DICER1: variants seen among roughly 807,000 people sequenced by gnomAD.
DICER1 encodes the protein dicer 1, ribonuclease III.
A neutral mutation model predicts 194.1 loss-of-function variants in DICER1; 43 were observed. The observed-to-expected ratio is 0.22, with a 90% CI of 0.17 to 0.29. The LOEUF (loss-of-function observed/expected upper bound fraction) is 0.29, where lower values mean the gene tolerates loss of function less well. DICER1 is among the 10% of genes least tolerant of loss of function. The pLI, the probability that DICER1 is intolerant of heterozygous loss-of-function variation, is 1.00. For synonymous variants in DICER1, 832 were observed against 820.5 expected (o/e 1.01, Z -0.24); for missense variants, 1,608 against 2,317.0 (o/e 0.69, Z 6.28).
rs1889398364 is a variant in DICER1, at chr14:95,087,144, G to T, written c.*3354C>A. On this transcript the variant is annotated 3_prime_UTR_variant, in exon 27 of 27. Coordinates refer to ENST00000343455, the MANE Select transcript of DICER1 (RefSeq NM_177438.3). ...CACCTGCCTCCAGGGAGCGACTGAA[G>T]AAGCCGACTGCCGGGGGAACACCTG... 1 of 233,294 alleles carries T rather than the reference G, an allele frequency of 4.3e-6. No individual in the cohort carries two copies. The highest frequency in any genetic ancestry group is 2.2e-5 in the African/African-American group (1 of 45,464). The allele number at this position is 233,294 out of a possible 1,614,324, so 14.5% of individuals were successfully genotyped here. A position where few individuals can be genotyped will look rare whatever the true frequency, so the allele number is the denominator to read the frequency against.
intron 17 of DICER1, 29 bp from the exon 18 acceptor site, chr14:95,106,252 G>A (rs1337129160): frequency 6.5e-7 from 1 of 1,548,666 alleles, no homozygotes; most frequent in East Asian, 2.2e-5. Flanking sequence ...AAAACAATCA[G>A]TTGCTTTTTG....
chr14:95,105,314 A>G lies in DICER1; in HGVS notation c.3094-68T>C. On this transcript the variant is annotated intron_variant, in intron 19 of 26. Coordinates refer to ENST00000343455, the MANE Select transcript of DICER1 (RefSeq NM_177438.3). This position sits in a 1 kb window ranked among gnomAD's most constrained non-coding sequence, Gnocchi z 4.9. ...CACACAAAAGAAAAAAAAAAAGACC[A>G]ATTTCACTAATGGATAAAGAAAATC... The G allele has an allele frequency of 7.5e-7, 1 of 1,324,536 alleles. No homozygotes were observed. Among genetic ancestry groups the G allele is most frequent in the Non-Finnish European group, 1.1e-6 (1 of 923,532 alleles). The allele number at this position is 1,324,536 out of a possible 1,614,324, so 82.0% of individuals were successfully genotyped here.
chr14:95,091,466 T>C, intron 24 of DICER1, 101 bp from the exon 25 acceptor site: 1 of 1,050,732 alleles, frequency 9.5e-7, no homozygotes, highest in Non-Finnish European at 1.5e-6. Context: ...TTGTTACTTC[T>C]TTAGTAAGGG....
rs1893258609 is a variant in DICER1 at position 95,124,701 on chromosome 14, C to A, written c.904-33G>T. On this transcript the variant is annotated intron_variant, in intron 7 of 26. Transcript: ENST00000343455. The surrounding 1 kb of genome is among the most constrained non-coding windows in gnomAD (Gnocchi z 4.5). ...AAAAAGAAAAGAAAAAACCTAATGCCAAATAATAATAATGTAGCATTTTCA... is the reference window on the plus strand; with the variant it reads ...AAAAAGAAAAGAAAAAACCTAATGCAAAATAATAATAATGTAGCATTTTCA... The A allele has an allele frequency of 2.0e-6, 3 of 1,499,074 alleles. No homozygotes were observed. The highest frequency in any genetic ancestry group is 1.4e-5 in the African/African-American group (1 of 72,426). The allele number at this position is 1,499,074 out of a possible 1,614,324, so 92.9% of individuals were successfully genotyped here.
intron 6 of DICER1, among the ~76,000 whole-genome samples, chr14:95,128,207 A>G (rs1200962593): frequency 6.6e-6 from 1 of 152,230 alleles, no homozygotes; most frequent in Non-Finnish European, 1.5e-5. Context: ...CATATATACT[A>G]TAGTTCTTTT....
In DICER1 at chr14:95,120,022, G is replaced by C. The variant is rs1397181563; in HGVS notation, c.1377-2268C>G. ...CAAAAATAGGAAATATGTATGGTAG[G>C]TTCAGAAAACTAATAGATGTATTAC... On this transcript the variant is annotated intron_variant, in intron 8 of 26. Transcript: ENST00000343455. 2.0e-5 allele frequency among the ~76,000 whole-genome samples: 3 copies of C among 152,248 alleles called. No individual in the cohort carries two copies. In the East Asian group the frequency reaches 5.8e-4, roughly 29 times the overall value.
At chr14:95,150,576 C>CA (rs1387086856) in intron 1 of DICER1, among the ~76,000 whole-genome samples, 1 of 152,188 alleles carries the variant, frequency 6.6e-6, no homozygotes, top group African/African-American at 2.4e-5. Flanking sequence ...GAAGGAATGA[C>CA]AGAAAAGTCA....
At chr14:95,108,298 A>AT in intron 15 of DICER1, 26 bp downstream of exon 15, 1 of 1,607,808 alleles carries the variant, frequency 6.2e-7, no homozygotes, top group Middle Eastern at 1.7e-4. Flanking sequence ...CGTTTTTGAC[A>AT]TAAGTACTCA....
intron 9 of DICER1, among the ~76,000 whole-genome samples, chr14:95,116,991 T>G (rs1367087552): frequency 6.6e-6 from 1 of 152,160 alleles, no homozygotes; most frequent in African/African-American, 2.4e-5. Flanking sequence ...CTCTCCAAAT[T>G]TGGAAATTAT....
In DICER1 at chr14:95,089,171, T is replaced by A. The variant is rs1374699843; in HGVS notation, c.*1327A>T. The A allele has an allele frequency of 4.3e-6, 1 of 231,306 alleles. No individual in the cohort carries two copies. The highest frequency in any genetic ancestry group is 8.5e-6 in the Non-Finnish European group (1 of 117,618). 14.3% of individuals were successfully genotyped at this position (231,306 alleles called of 1,614,324 possible). ...AGTGAAGAGTGCCTACAAGTCTAAT[T>A]AAAGAAACTTAGGCAAATGCCTAAA... On this transcript the variant is annotated 3_prime_UTR_variant, in exon 27 of 27. Coordinates refer to ENST00000343455, the MANE Select transcript of DICER1 (RefSeq NM_177438.3).
intron 1 of DICER1, among the ~76,000 whole-genome samples, chr14:95,142,428 C>A (rs965528789): frequency 6.6e-6 from 1 of 152,164 alleles, no homozygotes; most frequent in Non-Finnish European, 1.5e-5. Flanking sequence ...AAAGACCACG[C>A]ACACCAACAT....
chr14:95,126,755 CATAAGAA>C lies in DICER1; in HGVS notation c.735-14_735-8del. Reference sequence around the variant, plus strand: ...ACATGGCTGAGAAGTATACCTTTAACATAAGAAACAAAAGGTATCAATACTGCAGTAG... The same window carrying C: ...ACATGGCTGAGAAGTATACCTTTAACACAAAAGGTATCAATACTGCAGTAG... On this transcript the variant is annotated splice_region_variant and splice_polypyrimidine_tract_variant and intron_variant, in intron 6 of 26. Transcript: ENST00000343455. 1 of 1,488,548 alleles carries C rather than the reference CATAAGAA, an allele frequency of 6.7e-7. No individual in the cohort carries two copies. Among genetic ancestry groups the C allele is most frequent in the South Asian group, 1.1e-5 (1 of 87,098 alleles). The allele number at this position is 1,488,548 out of a possible 1,614,324, so 92.2% of individuals were successfully genotyped here.
In DICER1 at chr14:95,133,708, T is replaced by G. The variant is rs149573980; in HGVS notation, c.-45-205A>C. Among the ~76,000 whole-genome samples the G allele has an allele frequency of 2.6e-5, 4 of 152,332 alleles. No individual in the cohort carries two copies. The East Asian group carries it at 7.7e-4, about 29-fold the overall frequency. On this transcript the variant is annotated intron_variant, in intron 1 of 26. Coordinates refer to ENST00000343455, the MANE Select transcript of DICER1 (RefSeq NM_177438.3). The stretch of plus-strand genomic sequence containing the variant: ...ACCCAGTGATTCTATGCCTAGAAAT[T>G]TGTCTTAAAGAATGAATCAAGCAAC...
At chr14:95,147,983 G>C (rs1895249593) in intron 1 of DICER1, among the ~76,000 whole-genome samples, 2 of 152,244 alleles carry the variant, frequency 1.3e-5, no homozygotes, top group Admixed American at 1.3e-4. Flanking sequence ...AGGATCGCTT[G>C]AGGCCAGCAG....
At chr14:95,106,301 T>C (rs1891424095) in intron 17 of DICER1, 78 bp from the exon 18 acceptor site, 1 of 1,087,346 alleles carries the variant, frequency 9.2e-7, no homozygotes, top group Middle Eastern at 2.1e-4. Context: ...CTGTTTGTAG[T>C]ATGGAAATGA....
chr14:95,095,747 C>T (rs373071010), intron 23 of DICER1, 78 bp downstream of exon 23: 1 of 1,510,620 alleles, frequency 6.6e-7, no homozygotes, highest in Non-Finnish European at 9.1e-7. Context: ...GCATAGATCA[C>T]TTTTACAAGG....
At position 95,089,612 on chromosome 14, in the gene DICER1, G is replaced by A. The variant is rs955163869; in HGVS notation, c.*886C>T. 1.3e-5 allele frequency: 3 copies of A among 231,496 alleles called. No homozygotes were observed. In the Admixed American group the frequency reaches 1.7e-4, roughly 13 times the overall value. 14.3% of individuals were successfully genotyped at this position (231,496 alleles called of 1,614,324 possible). ...GTGTTTAGCCAAAGATCATTTTTAT[G>A]ATAAAAAATATCCGTAGACTACATA... is the stretch of plus-strand genomic sequence containing the variant. On this transcript the variant is annotated 3_prime_UTR_variant, in exon 27 of 27. Coordinates refer to ENST00000343455, the MANE Select transcript of DICER1 (RefSeq NM_177438.3).
intron 1 of DICER1, among the ~76,000 whole-genome samples, chr14:95,148,632 A>G (rs958347293): frequency 6.6e-6 from 1 of 152,218 alleles, no homozygotes; most frequent in Admixed American, 6.5e-5. Context: ...GATTGGTCCA[A>G]AATTGAAGTG....
rs1296755923 is a variant in DICER1 at position 95,090,373 on chromosome 14, A to C, written c.*125T>G. ...CTGTTATCTATCCTGTTATCAACCA[A>C]ACTTTAAATTCTGCCTTCAATTCAT... On this transcript the variant is annotated 3_prime_UTR_variant, in exon 27 of 27. Transcript: ENST00000343455. 2 of 1,092,172 alleles carry C rather than the reference A, an allele frequency of 1.8e-6. No individual in the cohort carries two copies. The highest frequency in any genetic ancestry group is 5.0e-5 in the East Asian group (2 of 40,206). 67.7% of individuals were successfully genotyped at this position (1,092,172 alleles called of 1,614,324 possible).
Sources: allele counts gnomAD v4.1 joint callset (sites outside exome capture counted in the v4.1 genomes callset), GRCh38; gene constraint gnomAD v4.1.1; non-coding constraint Gnocchi (gnomAD v3.1); transcripts MANE v1.5; gene names NCBI Gene and HGNC (gene_info 2026-07-23, HGNC 2026-07-21).